Variants in RBBP8 observed in about 807,000 individuals in gnomAD.
The protein encoded by RBBP8 is DNA endonuclease RBBP8.
RBBP8 carries 88 observed loss-of-function variants against 108.3 expected under a neutral mutation model. The observed-to-expected ratio is 0.81, with a 90% CI of 0.68 to 0.97. The LOEUF is 0.97. Among genes scored for constraint, RBBP8 ranks in the 50% least tolerant of loss-of-function variants. The pLI is 0.00. For missense variants in RBBP8, 1,023 were observed against 1,049.0 expected (o/e 0.98, Z 0.34); for synonymous variants, 332 against 348.2 (o/e 0.95, Z 0.52).
rs923366071 is a variant in RBBP8, at chr18:23,023,116, G to A, written c.2596+846G>A. Among the ~76,000 whole-genome samples the A allele has an allele frequency of 6.0e-5, 9 of 151,156 alleles. No individual in the cohort carries two copies. In the South Asian group the frequency reaches 6.3e-4, roughly 11 times the overall value. ...TCTCACTATGTTGCTCAGGCTGGTC[G>A]TGAACTCCTGGCCTCAAGTGGTCCT... On this transcript the variant is annotated intron_variant, in intron 18 of 18. Coordinates refer to ENST00000327155, the MANE Select transcript of RBBP8 (RefSeq NM_002894.3).
chr18:22,976,591 T>G (rs1299260627), intron 6 of RBBP8, among the ~76,000 whole-genome samples: 2 of 152,162 alleles, frequency 1.3e-5, no homozygotes, highest in Admixed American at 6.5e-5. Context: ...GGAGCTGTTA[T>G]GTAATTATGT....
chr18:23,011,123 C>A (rs1200816191), intron 16 of RBBP8, among the ~76,000 whole-genome samples: 9 of 152,196 alleles, frequency 5.9e-5, no homozygotes, highest in Admixed American at 5.9e-4. Flanking sequence ...AGGACTTATA[C>A]TTAGAGTGAC....
At position 23,004,946 on chromosome 18, in the gene RBBP8, AAGTC is replaced by A. The variant is rs1247736974; in HGVS notation, c.2288-1414_2288-1411del. The A allele has an allele frequency of 2.0e-5, 3 of 152,740 alleles. No homozygotes were observed. The East Asian group carries it at 5.8e-4, about 29-fold the overall frequency. 9.5% of individuals were successfully genotyped at this position (152,740 alleles called of 1,614,324 possible). On this transcript the variant is annotated intron_variant, in intron 15 of 18. Transcript: ENST00000327155. The stretch of plus-strand genomic sequence containing the variant: ...GGGAGGCCGAGGCAGGCGGATCACA[AAGTC>A]AGGAGATCGAGACCATCCTGGCTAA...
intron 14 of RBBP8, among the ~76,000 whole-genome samples, chr18:23,001,161 A>G (rs2045940290): frequency 6.6e-6 from 1 of 152,176 alleles, no homozygotes. Context: ...TGAATTTAAC[A>G]CTCTTAACAA....
chr18:22,921,663 G>T (rs970079900), intron 3 of RBBP8, among the ~76,000 whole-genome samples: 2 of 152,184 alleles, frequency 1.3e-5, no homozygotes, highest in African/African-American at 4.8e-5. Context: ...AATTTCAAAT[G>T]GAGAGGAAGG....
chr18:22,977,224 A>G (rs1425422650), intron 6 of RBBP8, among the ~76,000 whole-genome samples: 1 of 151,116 alleles, frequency 6.6e-6, no homozygotes, highest in East Asian at 1.9e-4. Context: ...TTTGTTTTTA[A>G]AAAAGCAAGT....
chr18:22,914,380 G>C (rs1909274064), intron 1 of RBBP8: 1 of 151,890 alleles, frequency 6.6e-6, no homozygotes, highest in Non-Finnish European at 1.5e-5. Flanking sequence ...TGTTTAAAAA[G>C]ATAATCAATT....
intron 16 of RBBP8, among the ~76,000 whole-genome samples, chr18:23,011,259 GT>G (rs965926332): frequency 1.3e-5 from 2 of 152,100 alleles, no homozygotes; most frequent in South Asian, 2.1e-4. Flanking sequence ...TGCAGATACT[GT>G]TTTTTACAAA....
intron 7 of RBBP8, among the ~76,000 whole-genome samples, chr18:22,983,678 A>G (rs1915110505): frequency 2.0e-5 from 3 of 152,282 alleles, no homozygotes; most frequent in African/African-American, 4.8e-5. Context: ...GCATGTAACT[A>G]TTTAGAAATT....
At chr18:22,969,425 C>T (rs1913899384) in intron 5 of RBBP8, among the ~76,000 whole-genome samples, 2 of 151,964 alleles carry the variant, frequency 1.3e-5, no homozygotes, top group Admixed American at 1.3e-4. Context: ...TTCTGTTAAC[C>T]TTATTCTCTT....
chr18:22,915,041 A>T (rs1307023588), intron 1 of RBBP8, among the ~76,000 whole-genome samples: 1 of 152,268 alleles, frequency 6.6e-6, no homozygotes, highest in East Asian at 1.9e-4. Flanking sequence ...GAAAGTTACC[A>T]ATCCCTTTAG....
intron 6 of RBBP8, among the ~76,000 whole-genome samples, chr18:22,978,393 TAA>T (rs1914641767): frequency 6.6e-6 from 1 of 152,226 alleles, no homozygotes; most frequent in African/African-American, 2.4e-5. Context: ...ACTAGTGTTT[TAA>T]AGGATGAACT....
At chr18:22,942,472 G>A (rs1337263849) in intron 2 of RBBP8, among the ~76,000 whole-genome samples, 1 of 152,032 alleles carries the variant, frequency 6.6e-6, no homozygotes, top group African/African-American at 2.4e-5. Flanking sequence ...TCTAATTTCT[G>A]TTGGAGACTA....
At chr18:23,025,430 T>C (rs767956159) in intron 18 of RBBP8, among the ~76,000 whole-genome samples, 5 of 152,248 alleles carry the variant, frequency 3.3e-5, no homozygotes, top group Non-Finnish European at 7.3e-5. Flanking sequence ...GCTTTCACTG[T>C]ATTTCTGCTT....
chr18:22,991,032 T>G lies in RBBP8; in HGVS notation c.903T>G (p.Asn301Lys). Residue 301 changes from asparagine (N) to lysine (K), a missense_variant, in exon 10 of 19, where the codon AAT (asparagine) becomes AAG (lysine). Coordinates refer to ENST00000327155, the MANE Select transcript of RBBP8 (RefSeq NM_002894.3). Reference sequence around the variant, plus strand: ...AGCCTTTTGAGGAATCTACAAGAAATACTGAAGATAGTTTAAGGTAATTAA... The same window carrying G: ...AGCCTTTTGAGGAATCTACAAGAAAGACTGAAGATAGTTTAAGGTAATTAA... Reference protein sequence around the residue: ...KKQPFEESTRNTEDSLRFSDS... With the variant: ...KKQPFEESTRKTEDSLRFSDS... The G allele has an allele frequency of 5.0e-6, 8 of 1,611,452 alleles. No individual in the cohort carries two copies. Among genetic ancestry groups the G allele is most frequent in the Non-Finnish European group, 6.8e-6 (8 of 1,177,892 alleles).
chr18:22,929,510 G>GTGTGTGTGTGTGT (rs147326546), upstream of RBBP8: 4 of 125,202 alleles, frequency 3.2e-5, no homozygotes, highest in African/African-American at 1.3e-4. Context: ...GTGTGTGTGT[G>GTGTGTGTGTGTGT]AAGAGACAGG....
At chr18:23,021,411 T>G (rs1386414249) in intron 17 of RBBP8, among the ~76,000 whole-genome samples, 1 of 151,952 alleles carries the variant, frequency 6.6e-6, no homozygotes, top group African/African-American at 2.4e-5. Flanking sequence ...CAGGACTCTG[T>G]CTCTCAAAAA....
In RBBP8 at chr18:22,993,061, A is replaced by G. The variant is rs1404396853; in HGVS notation, c.1234A>G (p.Ile412Val). 2 of 1,612,914 alleles carry G rather than the reference A, an allele frequency of 1.2e-6. No individual in the cohort carries two copies. Among genetic ancestry groups the G allele is most frequent in the Non-Finnish European group, 1.7e-6 (2 of 1,179,014 alleles). The change falls in exon 11 of 19, where the codon ATA becomes GTA. Residue 412 changes from isoleucine (I) to valine (V), a missense_variant. Ile to Val is a conservative substitution (Grantham distance 29). Coordinates refer to ENST00000327155, the MANE Select transcript of RBBP8 (RefSeq NM_002894.3). ...SNKQILINKN[I>V]SESLGEQNRT... ...TAAACAGATACTTATAAATAAAAAT[A>G]TAAGTGAATCCCTAGGTGAACAGAA...
At chr18:23,022,663 T>TAAAATAAATAAAATAAAAAAAATAA (rs2046386259) in intron 18 of RBBP8, among the ~76,000 whole-genome samples, 1 of 99,744 alleles carries the variant, frequency 1.0e-5, no homozygotes, top group African/African-American at 3.0e-5. Context: ...TAAAATAAAA[T>TAAAATAAATAAAATAAAAAAAATAA]AAAATAAATA....
Sources: allele counts gnomAD v4.1 joint callset (sites outside exome capture counted in the v4.1 genomes callset), GRCh38; gene constraint gnomAD v4.1.1; transcripts MANE v1.5; gene names NCBI Gene and HGNC (gene_info 2026-07-23, HGNC 2026-07-21).